The following PTPRQ variants were observed in gnomAD, a reference collection of about 807,000 sequenced individuals.
The protein encoded by PTPRQ is protein tyrosine phosphatase receptor type Q, also known as phosphatidylinositol phosphatase PTPRQ.
PTPRQ carries 199 observed loss-of-function variants against 246.0 expected under a neutral mutation model. That is an observed-to-expected ratio of 0.81 (90% CI 0.72 to 0.91). PTPRQ has a LOEUF of 0.91. PTPRQ is among the 40% of genes least tolerant of loss of function. The pLI is 0.00. For missense variants in PTPRQ, 2,624 were observed against 2,528.4 expected (o/e 1.04, Z -0.81); for synonymous variants, 869 against 853.2 (o/e 1.02, Z -0.32).
chr12:80,625,855 AC>A (rs1290934858), intron 33 of PTPRQ, among the ~76,000 whole-genome samples: 1 of 152,098 alleles, frequency 6.6e-6, no homozygotes, highest in Non-Finnish European at 1.5e-5. Flanking sequence ...ACCCTCTTAA[AC>A]TTTTTGAAAA....
At chr12:80,540,036 A>G in intron 20 of PTPRQ, 92 bp downstream of exon 20, 2 of 1,124,966 alleles carry the variant, frequency 1.8e-6, no homozygotes, top group East Asian at 3.0e-5. Context: ...TTGTAATAAC[A>G]TCTTTTATTT....
At chr12:80,672,835 A>G (rs1359645806) in intron 42 of PTPRQ, among the ~76,000 whole-genome samples, 2 of 152,134 alleles carry the variant, frequency 1.3e-5, no homozygotes, top group East Asian at 1.9e-4. Flanking sequence ...TGGTCAATAC[A>G]GAGTCTCTGG....
Position 80,652,925 on chromosome 12 carries a change from T to A in PTPRQ, c.6115+91T>A, listed in dbSNP as rs559359720. On this transcript the variant is annotated intron_variant, in intron 38 of 44. Coordinates refer to ENST00000644991, the MANE Select transcript of PTPRQ (RefSeq NM_001145026.2). ...TTTGTTTCCTTAATATATTTTATTTTATATTGTTTGAATTATAATAATGTA... is the reference window on the plus strand; with the variant it reads ...TTTGTTTCCTTAATATATTTTATTTAATATTGTTTGAATTATAATAATGTA... 3.9e-6 allele frequency: 5 copies of A among 1,282,144 alleles called. No homozygotes were observed. In the South Asian group the frequency reaches 9.7e-5, roughly 25 times the overall value. The allele number at this position is 1,282,144 out of a possible 1,614,324, so 79.4% of individuals were successfully genotyped here. A position where few individuals can be genotyped will look rare whatever the true frequency, so the allele number is the denominator to read the frequency against.
chr12:80,515,879 C>G (rs1895281798), intron 17 of PTPRQ, among the ~76,000 whole-genome samples: 1 of 150,780 alleles, frequency 6.6e-6, no homozygotes, highest in African/African-American at 2.4e-5. Flanking sequence ...CATTTTATAT[C>G]CATTACTGTA....
intron 25 of PTPRQ, among the ~76,000 whole-genome samples, chr12:80,571,706 A>C (rs1172609786): frequency 6.6e-6 from 1 of 152,142 alleles, no homozygotes; most frequent in Non-Finnish European, 1.5e-5. Flanking sequence ...GTGTAGTATG[A>C]GAAGTGATTC....
Position 80,605,938 on chromosome 12 carries a change from AG to A in PTPRQ, c.4731+760del, listed in dbSNP as rs1199874397. ...AGTATGGGGGGTGTAAAATCAGGCA[AG>A]GAGACAGGAAACTATAAAAGGGCAA... is the stretch of plus-strand genomic sequence containing the variant. On this transcript the variant is annotated intron_variant, in intron 27 of 44. Transcript: ENST00000644991. Among the ~76,000 whole-genome samples the A allele has an allele frequency of 1.2e-4, 18 of 151,206 alleles. No individual in the cohort carries two copies. The South Asian group carries it at 3.7e-3, about 31-fold the overall frequency.
intron 19 of PTPRQ, among the ~76,000 whole-genome samples, chr12:80,538,030 A>T (rs990784056): frequency 6.6e-6 from 1 of 151,978 alleles, no homozygotes; most frequent in African/African-American, 2.4e-5. Context: ...AATGGTGTGA[A>T]CCTGGGAGGT....
rs61729275 is a variant in PTPRQ at position 80,541,586 on chromosome 12, C to A, written c.3186C>A (p.Tyr1062Ter). The A allele has an allele frequency of 6.5e-7, 1 of 1,536,076 alleles. No homozygotes were observed. The highest frequency in any genetic ancestry group is 8.8e-7 in the Non-Finnish European group (1 of 1,139,222). ...IPEGFVGNLT[Y>*]ESISSTAINV... Reference sequence around the variant, plus strand: ...AAGGGTTTGTTGGAAACCTGACTTACGAATCCATTTCGTCAACTGCAATAA... The same window carrying A: ...AAGGGTTTGTTGGAAACCTGACTTAAGAATCCATTTCGTCAACTGCAATAA... The change falls in exon 21 of 45, where the codon TAC (tyrosine) becomes TAA (stop). Residue 1062 changes from tyrosine to a stop codon, truncating the protein, a stop_gained. Coordinates refer to ENST00000644991, the MANE Select transcript of PTPRQ (RefSeq NM_001145026.2). LOFTEE classifies it high-confidence loss of function.
chr12:80,487,148 C>T (rs541929765), intron 9 of PTPRQ, among the ~76,000 whole-genome samples: 109 of 151,640 alleles, frequency 7.2e-4, no homozygotes, highest in African/African-American at 2.2e-3. Context: ...TTCTCTCTGA[C>T]GCTCTGGATT....
rs145132577 is a variant in PTPRQ, at chr12:80,558,888, A to G, written c.4285+9154A>G. Among the ~76,000 whole-genome samples, 318 of 152,310 alleles carry G rather than the reference A, an allele frequency of 2.1e-3. 2 individuals are homozygous for G. Among genetic ancestry groups the G allele is most frequent in the African/African-American group, 7.4e-3 (308 of 41,570 alleles). On this transcript the variant is annotated intron_variant, in intron 25 of 44. Coordinates refer to ENST00000644991, the MANE Select transcript of PTPRQ (RefSeq NM_001145026.2). ...ATGTACCATCTGTATATCCTCTTCT[A>G]TGAAATGGCTGTTCATTACTTTTGC... is the stretch of plus-strand genomic sequence containing the variant.
In PTPRQ at chr12:80,673,285, T is replaced by C; in HGVS notation, c.6719T>C (p.Met2240Thr). ...GLVAELRSER[M>T]CMVQNLAQYI... ...GTAGCTGAACTGAGAAGTGAAAGAA[T>C]GTGCATGGTGCAGAATCTGGTAAGA... The change falls in exon 43 of 45, where the codon ATG becomes ACG. Residue 2240 changes from methionine (M) to threonine (T), a missense_variant. By Grantham distance (81) the Met-to-Thr change is moderately conservative. Transcript: ENST00000644991. 1.9e-6 allele frequency: 3 copies of C among 1,550,248 alleles called. No individual in the cohort carries two copies. Among genetic ancestry groups the C allele is most frequent in the Admixed American group, 2.0e-5 (1 of 50,906 alleles).
chr12:80,678,889 T>G (rs988945049), intron 44 of PTPRQ, 97 bp from the exon 45 acceptor site: 55 of 1,457,232 alleles, frequency 3.8e-5, no homozygotes, highest in Non-Finnish European at 4.8e-5. Flanking sequence ...GGGCTAATAA[T>G]ACCCTTTCTG....
In PTPRQ at chr12:80,616,227, G is replaced by A. The variant is rs1028900450; in HGVS notation, c.5191G>A (p.Gly1731Ser). ...SVYAVNSAGA[G>S]PKVPMRITMD... is the part of the protein sequence containing the mutation. ...TTACGCAGTCAATAGTGCTGGTGCA[G>A]GTCCAAAGGTTCCGATGAGAATAAC... The change falls in exon 30 of 45, where the codon GGT (glycine) becomes AGT (serine). Residue 1731 changes from glycine to serine, a missense_variant. Coordinates refer to ENST00000644991, the MANE Select transcript of PTPRQ (RefSeq NM_001145026.2). The A allele has an allele frequency of 2.4e-5, 36 of 1,491,930 alleles. No individual in the cohort carries two copies. In the African/African-American group the frequency reaches 5.2e-4, roughly 21 times the overall value. The allele number at this position is 1,491,930 out of a possible 1,614,324, so 92.4% of individuals were successfully genotyped here.
At chr12:80,457,356 T>C (rs1300164504) in intron 3 of PTPRQ, among the ~76,000 whole-genome samples, 1 of 152,150 alleles carries the variant, frequency 6.6e-6, no homozygotes, top group Non-Finnish European at 1.5e-5. Context: ...CAAAGGTATT[T>C]GACCTCTCTC....
At chr12:80,511,292 C>T (rs1434759694) in intron 17 of PTPRQ, among the ~76,000 whole-genome samples, 1 of 152,052 alleles carries the variant, frequency 6.6e-6, no homozygotes, top group East Asian at 1.9e-4. Flanking sequence ...CTCTTTAAGA[C>T]TATATTTTTT....
At chr12:80,499,753 T>A (rs1042453814) in intron 14 of PTPRQ, among the ~76,000 whole-genome samples, 80 of 151,838 alleles carry the variant, frequency 5.3e-4, no homozygotes, top group African/African-American at 1.7e-3. Context: ...GAAAGATCAA[T>A]ACAAGATTGA....
chr12:80,673,857 T>TA (rs1171252478), intron 43 of PTPRQ, among the ~76,000 whole-genome samples: 3 of 152,122 alleles, frequency 2.0e-5, no homozygotes, highest in South Asian at 4.1e-4. Flanking sequence ...ATTTTTATTT[T>TA]AAAAAATCAC....
intron 43 of PTPRQ, among the ~76,000 whole-genome samples, chr12:80,676,307 C>T (rs1317815402): frequency 6.6e-6 from 1 of 152,134 alleles, no homozygotes; most frequent in African/African-American, 2.4e-5. Context: ...AGGTGTATAG[C>T]CCTTACCCAG....
rs190091459 is a variant in PTPRQ at position 80,669,360 on chromosome 12, C to A, written c.6349C>A (p.Pro2117Thr). 8 of 1,549,216 alleles carry A rather than the reference C, an allele frequency of 5.2e-6. No homozygotes were observed. Among genetic ancestry groups the A allele is most frequent in the Middle Eastern group, 1.7e-4 (1 of 5,970 alleles). ...GCAGATCAGATGCCATCAGTATTGGCCAGAGGACAACAAGCCAGTTACTGT... is the reference window on the plus strand; with the variant it reads ...GCAGATCAGATGCCATCAGTATTGGACAGAGGACAACAAGCCAGTTACTGT... ...KGRIRCHQYW[P>T]EDNKPVTVFG... Residue 2117 changes from proline (P) to threonine (T), a missense_variant, in exon 41 of 45, where the codon CCA becomes ACA. By Grantham distance (38) the Pro-to-Thr change is conservative. Transcript: ENST00000644991.
Sources: gnomAD v4.1 joint callset for allele counts (sites outside exome capture counted in the v4.1 genomes callset) on GRCh38, gnomAD v4.1.1 for gene constraint, MANE v1.5 for transcripts, NCBI Gene and HGNC (gene_info 2026-07-23, HGNC 2026-07-21) for gene names.